The following TASP1 variants were observed in gnomAD, a reference collection of about 807,000 sequenced individuals.
TASP1 encodes the protein threonine aspartase 1.
In TASP1, 16 loss-of-function variants were observed where a neutral mutation model predicts 56.6. The ratio of observed to expected loss-of-function variants is 0.28; its 90% confidence interval spans 0.19 to 0.43. The LOEUF (loss-of-function observed/expected upper bound fraction) is 0.43, where lower values mean the gene tolerates loss of function less well. TASP1 is among the 20% of genes least tolerant of loss of function. The probability of loss-of-function intolerance (pLI) is 1.00; values close to 1 mark genes in which losing one functional copy is unlikely to be tolerated. For missense variants in TASP1, 393 were observed against 511.6 expected, an observed-to-expected ratio of 0.77 and a Z score of 2.24; for synonymous variants, 179 against 184.2, an observed-to-expected ratio of 0.97 and a Z score of 0.23.
chr20:13,168,771 G>T, the TASP1 span: 1 of 152,220 alleles, frequency 6.6e-6, no homozygotes, highest in South Asian at 2.1e-4. Context: ...AACAGCATCT[G>T]GTGAATTCTT....
chr20:13,127,456 C>T, the TASP1 span, among the ~76,000 whole-genome samples: 1 of 152,142 alleles, frequency 6.6e-6, no homozygotes, highest in African/African-American at 2.4e-5. Context: ...AATCTATGTG[C>T]CTCACCCCAC....
intron 13 of TASP1, among the ~76,000 whole-genome samples, chr20:13,404,726 TCA>T (rs2041854352): frequency 6.6e-6 from 1 of 152,198 alleles, no homozygotes; most frequent in African/African-American, 2.4e-5. Flanking sequence ...ACATACATAA[TCA>T]CATTCAAAAT....
At chr20:13,106,585 G>A in the TASP1 span, among the ~76,000 whole-genome samples, 3 of 152,178 alleles carry the variant, frequency 2.0e-5, no homozygotes, top group African/African-American at 7.2e-5. Context: ...AGAAAGACAG[G>A]CAGAGGCTAT....
chr20:13,250,165 G>A, the TASP1 span, among the ~76,000 whole-genome samples: 2 of 152,298 alleles, frequency 1.3e-5, no homozygotes, highest in African/African-American at 2.4e-5. Context: ...AAACGACCAC[G>A]TTGATAGGGT....
chr20:13,148,688 T>C, the TASP1 span, among the ~76,000 whole-genome samples: 1 of 152,214 alleles, frequency 6.6e-6, no homozygotes, highest in East Asian at 1.9e-4. Flanking sequence ...AAATGGCAGC[T>C]ATTTCTGAGA....
the TASP1 span, among the ~76,000 whole-genome samples, chr20:13,154,557 A>G: frequency 6.6e-6 from 1 of 152,170 alleles, no homozygotes; most frequent in Non-Finnish European, 1.5e-5. Flanking sequence ...CGTCCTCAGA[A>G]GAGGACATTC....
At chr20:13,535,311 T>C (rs1347195258) in intron 8 of TASP1, among the ~76,000 whole-genome samples, 1 of 152,168 alleles carries the variant, frequency 6.6e-6, no homozygotes, top group Non-Finnish European at 1.5e-5. Context: ...ACAAGAGATG[T>C]TTCCCTAAAG....
chr20:13,175,951 G>C, the TASP1 span, among the ~76,000 whole-genome samples: 1 of 152,088 alleles, frequency 6.6e-6, no homozygotes, highest in East Asian at 1.9e-4. Flanking sequence ...AAGATATAAA[G>C]AATGAACTGA....
At chr20:13,362,834 T>TATATATATATATATATATATATAC in the TASP1 span, among the ~76,000 whole-genome samples, 2 of 130,618 alleles carry the variant, frequency 1.5e-5, no homozygotes, top group African/African-American at 6.2e-5. Context: ...TATATATATA[T>TATATATATATATATATATATATAC]ATATTTGTCT....
chr20:13,559,189 G>A (rs1482126193), intron 7 of TASP1, 75 bp from the exon 8 acceptor site: 1 of 914,400 alleles, frequency 1.1e-6, no homozygotes. Flanking sequence ...TAAGATATCT[G>A]AAGAGCCTTC....
chr20:13,295,726 G>C, the TASP1 span, among the ~76,000 whole-genome samples: 4 of 152,352 alleles, frequency 2.6e-5, no homozygotes, highest in East Asian at 1.9e-4. Context: ...AGGAAGGCAG[G>C]CTCAGCCATG....
chr20:13,387,184 A>ATTTTTTTTTTTT (rs779048448), downstream of TASP1, among the ~76,000 whole-genome samples: 6 of 70,704 alleles, frequency 8.5e-5, no homozygotes, highest in African/African-American at 2.0e-4. Flanking sequence ...ACATGATTTC[A>ATTTTTTTTTTTT]TTTTTTTTTT....
In TASP1 at chr20:13,435,071, A is replaced by G; in HGVS notation, c.1069T>C (p.Ser357Pro). ...RSCRCSAEPD[S>P]SQNKQTLLVE... Reference sequence around the variant, plus strand: ...AGAAGTGTCTGCTTATTTTGGGAGGAGTCAGGCTCGGCAGAACATCTGCAT... The same window carrying G: ...AGAAGTGTCTGCTTATTTTGGGAGGGGTCAGGCTCGGCAGAACATCTGCAT... Residue 357 changes from serine to proline, a missense_variant, in exon 12 of 14, where the codon TCC (serine) becomes CCC (proline). Physicochemically the swap from Ser to Pro is moderately conservative, Grantham distance 74. This residue lies in a region of TASP1 where 293 missense variants were observed against 354.2 expected (regional missense o/e 0.83). Coordinates refer to ENST00000337743, the MANE Select transcript of TASP1 (RefSeq NM_017714.3). 2 of 1,611,320 alleles carry G rather than the reference A, an allele frequency of 1.2e-6. No homozygotes were observed. Among genetic ancestry groups the G allele is most frequent in the Non-Finnish European group, 1.7e-6 (2 of 1,178,690 alleles).
At chr20:13,432,927 C>A (rs1042996439) in intron 12 of TASP1, among the ~76,000 whole-genome samples, 1 of 152,060 alleles carries the variant, frequency 6.6e-6, no homozygotes, top group Non-Finnish European at 1.5e-5. Flanking sequence ...AATGCCCCCC[C>A]CAACCCACCG....
the TASP1 span, among the ~76,000 whole-genome samples, chr20:13,358,126 C>T: frequency 2.0e-5 from 3 of 151,920 alleles, no homozygotes; most frequent in East Asian, 1.9e-4. Flanking sequence ...GAGCACCTTG[C>T]GACCCTCACT....
chr20:13,400,788 T>A lies in TASP1; in HGVS notation c.1171-10336A>T, dbSNP rs140459497. On this transcript the variant is annotated intron_variant, in intron 13 of 13. Coordinates refer to ENST00000337743, the MANE Select transcript of TASP1 (RefSeq NM_017714.3). The stretch of plus-strand genomic sequence containing the variant: ...TTAGTGAATACTAAAATGTTAAGTT[T>A]TCACAAATTTTCAGTATTGCTTTAC... 1.1e-4 allele frequency among the ~76,000 whole-genome samples: 16 copies of A among 152,316 alleles called. No individual in the cohort carries two copies. The East Asian group carries it at 2.7e-3, about 26-fold the overall frequency.
At chr20:13,393,783 T>A in intron 13 of TASP1, 1 of 598,092 alleles carries the variant, frequency 1.7e-6, no homozygotes, top group Non-Finnish European at 3.0e-6. Context: ...GAATCTCCCC[T>A]CCTCACAATG....
At chr20:13,589,284 T>A (rs1488432807) in intron 4 of TASP1, among the ~76,000 whole-genome samples, 1 of 152,036 alleles carries the variant, frequency 6.6e-6, no homozygotes, top group African/African-American at 2.4e-5. Context: ...GGTCTCGATC[T>A]CCTGACCTCG....
chr20:13,549,904 T>C (rs150568060), intron 8 of TASP1, among the ~76,000 whole-genome samples: 70 of 152,250 alleles, frequency 4.6e-4, no homozygotes, highest in Non-Finnish European at 9.3e-4. Flanking sequence ...GATGTCAACT[T>C]ATAACAAATA....
Sources: gnomAD v4.1 joint callset for allele counts (sites outside exome capture counted in the v4.1 genomes callset) on GRCh38, gnomAD v4.1.1 for gene constraint, gnomAD v4.1.1 regional missense constraint, MANE v1.5 for transcripts, NCBI Gene and HGNC (gene_info 2026-07-23, HGNC 2026-07-21) for gene names.